The following DOCK1 variants were observed in gnomAD, a reference collection of about 807,000 sequenced individuals.
The protein encoded by DOCK1 is dedicator of cytokinesis protein 1.
DOCK1 carries 138 observed loss-of-function variants against 262.7 expected under a neutral mutation model. The ratio of observed to expected loss-of-function variants is 0.53; its 90% CI spans 0.46 to 0.61. The LOEUF (loss-of-function observed/expected upper bound fraction) is 0.61. Ranked by LOEUF, DOCK1 falls within the 20% of genes least tolerant of loss-of-function variation. The pLI is 0.00. For missense variants in DOCK1, 1,908 were observed against 2,370.7 expected (o/e 0.80, Z 4.05); for synonymous variants, 866 against 867.4 (o/e 1.00, Z 0.03).
At chr10:127,287,847 C>T (rs1262747962) in intron 29 of DOCK1, among the ~76,000 whole-genome samples, 1 of 152,108 alleles carries the variant, frequency 6.6e-6, no homozygotes, top group Non-Finnish European at 1.5e-5. Context: ...AGTTTTTCAC[C>T]TAATTGTTAT....
intron 27 of DOCK1, among the ~76,000 whole-genome samples, chr10:127,246,007 G>A (rs1287427323): frequency 6.6e-6 from 1 of 152,124 alleles, no homozygotes; most frequent in Non-Finnish European, 1.5e-5. Flanking sequence ...GGAAGAGTCC[G>A]GGTCAGCGAC....
At chr10:127,430,689 A>G (rs1412952980) in intron 47 of DOCK1, among the ~76,000 whole-genome samples, 1 of 140,010 alleles carries the variant, frequency 7.1e-6, no homozygotes, top group Non-Finnish European at 1.5e-5. Flanking sequence ...TGGCATTTGT[A>G]TAGCATCTGG....
chr10:127,447,313 G>A (rs1330547315), intron 50 of DOCK1, 81 bp from the exon 51 acceptor site: 4 of 1,544,464 alleles, frequency 2.6e-6, no homozygotes, highest in Non-Finnish European at 3.5e-6. Flanking sequence ...GCCTCTCTGG[G>A]AGGGAACGTG....
chr10:127,257,509 A>G, intron 29 of DOCK1, 80 bp downstream of exon 29: 3 of 1,326,228 alleles, frequency 2.3e-6, no homozygotes, highest in Non-Finnish European at 3.2e-6. Flanking sequence ...TTGCCTGGAG[A>G]CCAAGCTGGC....
At chr10:126,980,192 T>C (rs889346307) in intron 3 of DOCK1, among the ~76,000 whole-genome samples, 9 of 151,976 alleles carry the variant, frequency 5.9e-5, no homozygotes, top group Non-Finnish European at 8.8e-5. Flanking sequence ...TTTTTTTAAG[T>C]TAATGTTTTA....
intron 1 of DOCK1, among the ~76,000 whole-genome samples, chr10:126,919,396 G>C (rs934454637): frequency 3.9e-5 from 6 of 152,152 alleles, no homozygotes; most frequent in Non-Finnish European, 8.8e-5. Context: ...TTGTTTTCAA[G>C]TCCTCCTAAC....
intron 29 of DOCK1, among the ~76,000 whole-genome samples, chr10:127,330,954 C>T (rs528687243): frequency 3.3e-5 from 5 of 152,298 alleles, no homozygotes; most frequent in African/African-American, 9.6e-5. Flanking sequence ...CACGAAAACC[C>T]TCACTGCACA....
rs199604643 is a variant in DOCK1 at position 127,127,700 on chromosome 10, T to C, written c.2783T>C (p.Met928Thr). 2.8e-4 allele frequency: 451 copies of C among 1,613,070 alleles called. 1 individual carries two copies. Among genetic ancestry groups the C allele is most frequent in the Non-Finnish European group, 2.7e-4 (324 of 1,179,148 alleles). Residue 928 changes from methionine (M) to threonine (T), a missense_variant, in exon 27 of 52, where the codon ATG (methionine) becomes ACG (threonine). Coordinates refer to ENST00000623213, the MANE Select transcript of DOCK1 (RefSeq NM_001290223.2). Reference protein sequence around the residue: ...GPTQRHVQIIMEKLLRTVNRT... With the variant: ...GPTQRHVQIITEKLLRTVNRT... ...ACCCAGAGGCACGTCCAGATTATCA[T>C]GGAGAAACTTCTCCGGACCGTGAAC...
chr10:127,245,109 A>C (rs1408456334), intron 27 of DOCK1, among the ~76,000 whole-genome samples: 2 of 152,196 alleles, frequency 1.3e-5, no homozygotes, highest in Non-Finnish European at 2.9e-5. Context: ...GTGTTCATGG[A>C]AACCATAAGG....
chr10:127,420,979 T>C (rs1407005244), intron 46 of DOCK1, among the ~76,000 whole-genome samples: 1 of 151,824 alleles, frequency 6.6e-6, no homozygotes, highest in Non-Finnish European at 1.5e-5. Context: ...TGCAGTAGCG[T>C]GACCTCAGCT....
intron 25 of DOCK1, among the ~76,000 whole-genome samples, chr10:127,122,023 G>A (rs908212792): frequency 9.2e-5 from 14 of 152,300 alleles, no homozygotes; most frequent in African/African-American, 3.4e-4. Flanking sequence ...CAGCAAGGAG[G>A]AACAGATAAT....
chr10:127,052,140 C>G (rs144148871), intron 21 of DOCK1, among the ~76,000 whole-genome samples: 194 of 152,314 alleles, frequency 1.3e-3, no homozygotes, highest in Non-Finnish European at 1.9e-3. Context: ...TGCATTTCAC[C>G]TGCTTAGAAC....
chr10:126,944,967 T>C (rs895016127), intron 1 of DOCK1, among the ~76,000 whole-genome samples: 113 of 151,958 alleles, frequency 7.4e-4, no homozygotes, highest in Non-Finnish European at 2.2e-4. Flanking sequence ...GCCTCCTGAG[T>C]AGCTGGGATT....
chr10:127,205,277 T>A (rs1401616066), intron 27 of DOCK1, among the ~76,000 whole-genome samples: 1 of 152,100 alleles, frequency 6.6e-6, no homozygotes. Context: ...GGTCCGTGGG[T>A]GTTAATGAAC....
chr10:127,407,716 A>T (rs1325467138), intron 40 of DOCK1, among the ~76,000 whole-genome samples: 1 of 152,174 alleles, frequency 6.6e-6, no homozygotes, highest in Non-Finnish European at 1.5e-5. Flanking sequence ...GAATGACTGC[A>T]GATGGGGCAG....
At chr10:127,065,581 G>A (rs1366244391) in intron 23 of DOCK1, among the ~76,000 whole-genome samples, 1 of 152,062 alleles carries the variant, frequency 6.6e-6, no homozygotes, top group African/African-American at 2.4e-5. Flanking sequence ...TGGTAATTAT[G>A]CTTGAATTTT....
At chr10:127,296,607 G>A (rs1375651336) in intron 29 of DOCK1, among the ~76,000 whole-genome samples, 2 of 152,212 alleles carry the variant, frequency 1.3e-5, no homozygotes, top group African/African-American at 4.8e-5. Flanking sequence ...CTCTAACTCA[G>A]ATGAAAGTAG....
At chr10:127,031,801 C>T (rs565893173) in intron 17 of DOCK1, 48 bp downstream of exon 17, 33 of 1,535,378 alleles carry the variant, frequency 2.1e-5, no homozygotes, top group Non-Finnish European at 2.9e-5. Flanking sequence ...CAGTTTCAGT[C>T]TTTTCTGGGC....
chr10:127,285,296 T>C (rs573297379), intron 29 of DOCK1, among the ~76,000 whole-genome samples: 3 of 152,372 alleles, frequency 2.0e-5, no homozygotes, highest in African/African-American at 7.2e-5. Flanking sequence ...TGATTAGATT[T>C]GCATTAGAGC....
Sources: gnomAD v4.1 joint callset for allele counts (sites outside exome capture counted in the v4.1 genomes callset) on GRCh38, gnomAD v4.1.1 for gene constraint, MANE v1.5 for transcripts, NCBI Gene and HGNC (gene_info 2026-07-23, HGNC 2026-07-21) for gene names.